SEMA6D: variants seen among roughly 807,000 people sequenced by gnomAD.
SEMA6D encodes the protein semaphorin 6D.
Under a neutral mutation model 106.6 loss-of-function variants are expected in SEMA6D, and 35 were observed. That is an observed-to-expected ratio of 0.33 (90% CI 0.25 to 0.44). SEMA6D has a LOEUF of 0.44. SEMA6D is among the 20% of genes least tolerant of loss of function. The probability of loss-of-function intolerance (pLI) is 1.00; values close to 1 mark genes in which losing one functional copy is unlikely to be tolerated. For missense variants in SEMA6D, 1,185 were observed against 1,345.9 expected, an observed-to-expected ratio of 0.88 and a Z score of 1.87; for synonymous variants, 499 against 487.7, an observed-to-expected ratio of 1.02 and a Z score of -0.31.
At chr15:47,345,478 G>A (rs905827972) in intron 1 of SEMA6D, among the ~76,000 whole-genome samples, 1 of 151,768 alleles carries the variant, frequency 6.6e-6, no homozygotes, top group Admixed American at 6.6e-5. Context: ...TTCAACAAAT[G>A]GTGCTGGAAT....
At chr15:47,358,461 A>G (rs546090265) in intron 1 of SEMA6D, among the ~76,000 whole-genome samples, 7 of 152,314 alleles carry the variant, frequency 4.6e-5, no homozygotes, top group African/African-American at 1.7e-4. Flanking sequence ...ATTGCTTCCT[A>G]ATGAAGATCC....
rs376180615 is a variant in SEMA6D, at chr15:47,489,712, C to T, written c.-87+19167C>T. ...TCTTGCCCAGGCTGGAGTGCAGTGGCGCGATCTTGGCTCGCTGCAACCTCC... is the reference window on the plus strand; with the variant it reads ...TCTTGCCCAGGCTGGAGTGCAGTGGTGCGATCTTGGCTCGCTGCAACCTCC... On this transcript the variant is annotated intron_variant, in intron 3 of 19. Transcript: ENST00000558014. Among the ~76,000 whole-genome samples, 401 of 151,912 alleles carry T rather than the reference C, an allele frequency of 2.6e-3. 4 individuals are homozygous for T. In the South Asian group the frequency reaches 0.036, roughly 14 times the overall value.
intron 4 of SEMA6D, among the ~76,000 whole-genome samples, chr15:47,688,990 A>T (rs1384177030): frequency 6.6e-6 from 1 of 152,200 alleles, no homozygotes; most frequent in East Asian, 1.9e-4. Context: ...ATCATGGATA[A>T]ACAATTTTGA....
At chr15:47,214,746 G>C (rs2141266082) in intron 1 of SEMA6D, among the ~76,000 whole-genome samples, 1 of 152,228 alleles carries the variant, frequency 6.6e-6, no homozygotes, top group Admixed American at 6.5e-5. Flanking sequence ...AATTCACCTT[G>C]TTATTAAGTA....
chr15:47,415,765 A>G lies in SEMA6D; in HGVS notation c.-159+3293A>G, dbSNP rs79004514. Among the ~76,000 whole-genome samples the G allele has an allele frequency of 7.8e-3, 1,183 of 152,314 alleles. 12 individuals are homozygous for G. Among genetic ancestry groups the G allele is most frequent in the African/African-American group, 0.027 (1,125 of 41,584 alleles). ...GAAATGTCTTAGGTCAACAAACACA[A>G]TTTGCTGGAACATACCATAATCTTT... On this transcript the variant is annotated intron_variant, in intron 2 of 19. Transcript: ENST00000558014.
chr15:47,213,446 T>C (rs2030245184), intron 1 of SEMA6D, among the ~76,000 whole-genome samples: 1 of 152,208 alleles, frequency 6.6e-6, no homozygotes, highest in African/African-American at 2.4e-5. Context: ...GAGGTTTTAA[T>C]TGGCATTTTA....
chr15:47,548,005 A>G (rs950750426), intron 3 of SEMA6D, among the ~76,000 whole-genome samples: 2 of 152,174 alleles, frequency 1.3e-5, no homozygotes, highest in Non-Finnish European at 2.9e-5. Flanking sequence ...AAAACTGCTG[A>G]CACATTATCC....
chr15:47,449,442 G>T (rs2042122869), intron 2 of SEMA6D, among the ~76,000 whole-genome samples: 1 of 152,044 alleles, frequency 6.6e-6, no homozygotes, highest in Non-Finnish European at 1.5e-5. Context: ...GCTGCATTTG[G>T]CTATCTGCAT....
intron 1 of SEMA6D, among the ~76,000 whole-genome samples, chr15:47,402,139 T>G (rs1228992309): frequency 6.6e-6 from 1 of 152,214 alleles, no homozygotes; most frequent in Non-Finnish European, 1.5e-5. Context: ...AATGAGCTCT[T>G]GAAATGTAGT....
chr15:47,684,319 A>C (rs1387532859), intron 4 of SEMA6D, among the ~76,000 whole-genome samples: 1 of 152,148 alleles, frequency 6.6e-6, no homozygotes, highest in Non-Finnish European at 1.5e-5. Context: ...TTAAGTACTT[A>C]GTACATGCTT....
chr15:47,612,708 C>T (rs1021505734), intron 4 of SEMA6D, among the ~76,000 whole-genome samples: 1 of 152,080 alleles, frequency 6.6e-6, no homozygotes, highest in Non-Finnish European at 1.5e-5. Context: ...TGGGCTTTAG[C>T]ACTCAGACTT....
intron 3 of SEMA6D, among the ~76,000 whole-genome samples, chr15:47,584,973 G>A (rs1317767224): frequency 1.3e-5 from 2 of 152,198 alleles, no homozygotes; most frequent in Non-Finnish European, 1.5e-5. Context: ...AAGTGATATT[G>A]ATAAGGCCCC....
At chr15:47,245,963 G>T (rs1326408505) in intron 1 of SEMA6D, among the ~76,000 whole-genome samples, 1 of 152,132 alleles carries the variant, frequency 6.6e-6, no homozygotes, top group Non-Finnish European at 1.5e-5. Flanking sequence ...GAATGGAAAA[G>T]TCATAAGACT....
chr15:47,550,591 C>A (rs940247653), intron 3 of SEMA6D, among the ~76,000 whole-genome samples: 2 of 152,096 alleles, frequency 1.3e-5, no homozygotes, highest in Non-Finnish European at 2.9e-5. Context: ...ATGGCTGATC[C>A]CGCCATGTTG....
chr15:47,249,535 C>G (rs1225358173), intron 1 of SEMA6D, among the ~76,000 whole-genome samples: 1 of 151,636 alleles, frequency 6.6e-6, no homozygotes, highest in Non-Finnish European at 1.5e-5. Context: ...TGGGAATGTC[C>G]TGGGTTCTAG....
intron 1 of SEMA6D, among the ~76,000 whole-genome samples, chr15:47,197,527 A>ACCT (rs1383662670): frequency 6.7e-6 from 1 of 150,260 alleles, no homozygotes; most frequent in Admixed American, 6.6e-5. Flanking sequence ...TGTAATGAAG[A>ACCT]CCTAAGCTAA....
chr15:47,296,355 C>T (rs2035801274), intron 1 of SEMA6D, among the ~76,000 whole-genome samples: 1 of 152,222 alleles, frequency 6.6e-6, no homozygotes, highest in African/African-American at 2.4e-5. Flanking sequence ...ACCATCTTGC[C>T]CCCTTTGCAA....
intron 1 of SEMA6D, among the ~76,000 whole-genome samples, chr15:47,363,662 G>A (rs959002393): frequency 5.3e-5 from 8 of 152,172 alleles, no homozygotes; most frequent in African/African-American, 1.4e-4. Context: ...CAAGGGCAAG[G>A]TAAAATCTGT....
chr15:47,755,864 T>C (rs975969127), intron 1 of SEMA6D, among the ~76,000 whole-genome samples: 1 of 148,646 alleles, frequency 6.7e-6, no homozygotes, highest in Non-Finnish European at 1.5e-5. Context: ...AACAATATAT[T>C]ATGTATAATA....
Sources: gnomAD v4.1 joint callset for allele counts (sites outside exome capture counted in the v4.1 genomes callset) on GRCh38, gnomAD v4.1.1 for gene constraint, MANE v1.5 for transcripts, NCBI Gene and HGNC (gene_info 2026-07-23, HGNC 2026-07-21) for gene names.